The following AZI2 variants were observed in gnomAD, a reference collection of about 807,000 sequenced individuals.
AZI2 encodes 5-azacytidine-induced protein 2.
A neutral mutation model predicts 45.8 loss-of-function variants in AZI2; 22 were observed. The ratio of observed to expected loss-of-function variants is 0.48; its 90% CI spans 0.34 to 0.69. The LOEUF is 0.69. AZI2 is among the 30% of genes least tolerant of loss of function. AZI2 has a pLI of 0.01. For missense variants in AZI2, 417 were observed against 441.5 expected (o/e 0.94, Z 0.50); for synonymous variants, 137 against 156.7 (o/e 0.87, Z 0.94).
intron 1 of AZI2, chr3:28,341,479 C>G (rs1191827476): frequency 6.6e-6 from 1 of 152,056 alleles, no homozygotes; most frequent in African/African-American, 2.4e-5. Context: ...AAATCAAACT[C>G]TGACTCCAAA....
intron 1 of AZI2, among the ~76,000 whole-genome samples, chr3:28,343,334 A>T (rs1704099786): frequency 6.6e-6 from 1 of 152,012 alleles, no homozygotes; most frequent in Non-Finnish European, 1.5e-5. Flanking sequence ...AACTTCCAGC[A>T]GGGGAACAAG....
chr3:28,326,170 A>C (rs1396730662), intron 7 of AZI2, among the ~76,000 whole-genome samples: 1 of 151,080 alleles, frequency 6.6e-6, no homozygotes, highest in Non-Finnish European at 1.5e-5. Flanking sequence ...GTACAAATGT[A>C]CTGATTTTTC....
chr3:28,330,365 A>G (rs1703527741), intron 6 of AZI2, among the ~76,000 whole-genome samples: 1 of 151,396 alleles, frequency 6.6e-6, no homozygotes, highest in South Asian at 2.1e-4. Context: ...CAAAAAAGCA[A>G]GTTATCTAAA....
At chr3:28,339,042 G>A (rs149801752) in intron 2 of AZI2, among the ~76,000 whole-genome samples, 2,344 of 151,830 alleles carry the variant, frequency 0.015, 66 homozygotes, top group African/African-American at 0.054. Context: ...GTGCAATGGG[G>A]CGATCTCAGC....
At chr3:28,331,766 T>G (rs1427966803) in intron 6 of AZI2, 89 of 1,480,140 alleles carry the variant, frequency 6.0e-5, no homozygotes, top group Non-Finnish European at 2.0e-5. Context: ...CAACAATTAT[T>G]AGATAGCTTA....
At chr3:28,346,325 G>T (rs1339412754) in intron 1 of AZI2, among the ~76,000 whole-genome samples, 1 of 152,064 alleles carries the variant, frequency 6.6e-6, no homozygotes, top group Non-Finnish European at 1.5e-5. Flanking sequence ...TCACTAAGAT[G>T]CCACCTTACT....
intron 1 of AZI2, among the ~76,000 whole-genome samples, chr3:28,344,166 C>T (rs1161006920): frequency 6.6e-6 from 1 of 151,900 alleles, no homozygotes; most frequent in African/African-American, 2.4e-5. Flanking sequence ...GCTAGCACCA[C>T]ATATATGTAT....
In AZI2 at chr3:28,322,660, T is replaced by G. The variant is rs1018852531; in HGVS notation, c.*1382A>C. 6.6e-6 allele frequency: 1 copy of G among 151,598 alleles called. No individual in the cohort carries two copies. Among genetic ancestry groups the G allele is most frequent in the Non-Finnish European group, 1.5e-5 (1 of 67,408 alleles). The allele number at this position is 151,598 out of a possible 1,614,324, so 9.4% of individuals were successfully genotyped here. A position where few individuals can be genotyped will look rare whatever the true frequency, so the allele number is the denominator to read the frequency against. On this transcript the variant is annotated 3_prime_UTR_variant, in exon 8 of 8. Coordinates refer to ENST00000479665, the MANE Select transcript of AZI2 (RefSeq NM_022461.5). ...TTGGTTCTATTACTTGGCAGGAGATTGTACTCCCCTGAGTCAGCTGTGTTC... is the reference window on the plus strand; with the variant it reads ...TTGGTTCTATTACTTGGCAGGAGATGGTACTCCCCTGAGTCAGCTGTGTTC...
Position 28,321,325 on chromosome 3 carries a change from AC to A in AZI2, c.*2716del, listed in dbSNP as rs1292016469. 6.6e-6 allele frequency: 1 copy of A among 151,496 alleles called. No homozygotes were observed. The highest frequency in any genetic ancestry group is 2.4e-5 in the African/African-American group (1 of 41,364). The allele number at this position is 151,496 out of a possible 1,614,324, so 9.4% of individuals were successfully genotyped here. On this transcript the variant is annotated 3_prime_UTR_variant, in exon 8 of 8. Coordinates refer to ENST00000479665, the MANE Select transcript of AZI2 (RefSeq NM_022461.5). ...TTACTTTAAGAAGCTAGTGAAATAT[AC>A]AATCTATTTTATAGCTTTGATTAAA... is the stretch of plus-strand genomic sequence containing the variant.
chr3:28,342,318 C>G (rs886943659), intron 1 of AZI2, among the ~76,000 whole-genome samples: 7 of 151,940 alleles, frequency 4.6e-5, no homozygotes, highest in Non-Finnish European at 1.0e-4. Flanking sequence ...TCATTAACAT[C>G]AATTTAACAT....
At chr3:28,337,910 A>G in intron 4 of AZI2, 27 bp downstream of exon 4, 1 of 1,352,404 alleles carries the variant, frequency 7.4e-7, no homozygotes, top group Non-Finnish European at 1.0e-6. Flanking sequence ...ATTCTGTTAG[A>G]ATATTTATAA....
chr3:28,340,587 T>C lies in AZI2; in HGVS notation c.31A>G (p.Ile11Val). The change falls in exon 2 of 8, where the codon ATT (isoleucine) becomes GTT (valine). Residue 11 changes from isoleucine (I) to valine (V), a missense_variant. By Grantham distance (29) the Ile-to-Val change is conservative. Coordinates refer to ENST00000479665, the MANE Select transcript of AZI2 (RefSeq NM_022461.5). MDALVEDDIC[I>V]LNHEKAHKRD... ...TTATGGGCTTTTTCATGATTCAGAATACAGATATCATCTTCTACCAGTGCA... is the reference window on the plus strand; with the variant it reads ...TTATGGGCTTTTTCATGATTCAGAACACAGATATCATCTTCTACCAGTGCA... 1 of 1,612,320 alleles carries C rather than the reference T, an allele frequency of 6.2e-7. No individual in the cohort carries two copies. The highest frequency in any genetic ancestry group is 2.2e-5 in the East Asian group (1 of 44,732).
chr3:28,336,291 T>C (rs1206339727), intron 5 of AZI2, among the ~76,000 whole-genome samples: 1 of 152,118 alleles, frequency 6.6e-6, no homozygotes, highest in Non-Finnish European at 1.5e-5. Context: ...AGCTCTGTCA[T>C]GTTTTCTTTG....
chr3:28,322,680 G>A lies in AZI2; in HGVS notation c.*1362C>T, dbSNP rs921593200. 6.6e-6 allele frequency: 1 copy of A among 151,586 alleles called. No individual in the cohort carries two copies. Among genetic ancestry groups the A allele is most frequent in the African/African-American group, 2.4e-5 (1 of 41,310 alleles). The allele number at this position is 151,586 out of a possible 1,614,324, so 9.4% of individuals were successfully genotyped here. A position where few individuals can be genotyped will look rare whatever the true frequency, so the allele number is the denominator to read the frequency against. On this transcript the variant is annotated 3_prime_UTR_variant, in exon 8 of 8. Transcript: ENST00000479665. ...GAGATTGTACTCCCCTGAGTCAGCT[G>A]TGTTCATTGGTCAGAATAAATTCCA...
chr3:28,336,478 A>G (rs1405986943), intron 5 of AZI2, among the ~76,000 whole-genome samples: 10 of 152,068 alleles, frequency 6.6e-5, no homozygotes, highest in Admixed American at 6.6e-4. Flanking sequence ...CAGTTATAAT[A>G]AACTAATAAG....
chr3:28,327,205 T>C (rs1265832616), intron 6 of AZI2, among the ~76,000 whole-genome samples: 2 of 151,138 alleles, frequency 1.3e-5, no homozygotes, highest in Non-Finnish European at 3.0e-5. Flanking sequence ...TTATAACTGA[T>C]AAGAGCTTCT....
chr3:28,347,455 C>T (rs1704294574), intron 1 of AZI2, among the ~76,000 whole-genome samples: 1 of 152,090 alleles, frequency 6.6e-6, no homozygotes, highest in Non-Finnish European at 1.5e-5. Flanking sequence ...AGTAGGGGAG[C>T]CAGAAATGAA....
At chr3:28,333,947 T>G (rs1703688673) in intron 5 of AZI2, among the ~76,000 whole-genome samples, 1 of 151,416 alleles carries the variant, frequency 6.6e-6, no homozygotes, top group African/African-American at 2.4e-5. Flanking sequence ...TAAACCAACT[T>G]AATTTTACTG....
chr3:28,327,945 T>C (rs980152498), intron 6 of AZI2, among the ~76,000 whole-genome samples: 4 of 150,618 alleles, frequency 2.7e-5, no homozygotes, highest in Admixed American at 6.7e-5. Context: ...GCTTCAATTT[T>C]TGTGTTGCCA....
Sources: gnomAD v4.1 joint callset for allele counts (sites outside exome capture counted in the v4.1 genomes callset) on GRCh38, gnomAD v4.1.1 for gene constraint, MANE v1.5 for transcripts, NCBI Gene and HGNC (gene_info 2026-07-23, HGNC 2026-07-21) for gene names.